Variants in SLC8A1 observed in about 807,000 individuals in gnomAD.
SLC8A1 encodes the protein solute carrier family 8 member A1, also known as sodium/calcium exchanger 1.
SLC8A1 carries 18 observed loss-of-function variants against 68.3 expected under a neutral mutation model. That is an observed-to-expected ratio of 0.26 (90% CI 0.18 to 0.39). The LOEUF (loss-of-function observed/expected upper bound fraction) is 0.39, where lower values mean the gene tolerates loss of function less well. Ranked by LOEUF, SLC8A1 falls within the 10% of genes least tolerant of loss-of-function variation. The pLI, the probability that SLC8A1 is intolerant of heterozygous loss-of-function variation, is 1.00. For missense variants in SLC8A1, 985 were observed against 1,156.7 expected, an observed-to-expected ratio of 0.85 and a Z score of 2.15; for synonymous variants, 475 against 415.5, an observed-to-expected ratio of 1.14 and a Z score of -1.74.
chr2:40,380,162 C>A (rs1681274368), intron 2 of SLC8A1, among the ~76,000 whole-genome samples: 1 of 152,048 alleles, frequency 6.6e-6, no homozygotes, highest in African/African-American at 2.4e-5. Context: ...AAGAGGTAAA[C>A]CGAACAAGTA....
chr2:40,253,253 GTATACATA>G (rs988720463), intron 2 of SLC8A1, among the ~76,000 whole-genome samples: 3 of 148,228 alleles, frequency 2.0e-5, no homozygotes, highest in African/African-American at 7.5e-5. Flanking sequence ...ATACACATAT[GTATACATA>G]TATACATGTA....
At chr2:40,461,315 A>G (rs1703326750) in intron 1 of SLC8A1, among the ~76,000 whole-genome samples, 1 of 152,196 alleles carries the variant, frequency 6.6e-6, no homozygotes, top group African/African-American at 2.4e-5. Context: ...AAAAGCAGAC[A>G]GACCCTTCGT....
chr2:40,173,572 C>G (rs369430539), intron 4 of SLC8A1, among the ~76,000 whole-genome samples: 3 of 152,184 alleles, frequency 2.0e-5, no homozygotes, highest in African/African-American at 4.8e-5. Flanking sequence ...AATTCTACTT[C>G]GGACAGAATC....
At chr2:40,457,107 G>C (rs1024636906) in intron 1 of SLC8A1, among the ~76,000 whole-genome samples, 1 of 152,022 alleles carries the variant, frequency 6.6e-6, no homozygotes, top group Admixed American at 6.5e-5. Context: ...GTCATTTTAC[G>C]CAAATCCTGC....
chr2:40,297,918 C>T (rs893107896), intron 2 of SLC8A1, among the ~76,000 whole-genome samples: 1 of 152,094 alleles, frequency 6.6e-6, no homozygotes, highest in Non-Finnish European at 1.5e-5. Context: ...CTCACTGTGT[C>T]GCCCAGGCTG....
chr2:40,487,332 A>G (rs917603762), intron 1 of SLC8A1, among the ~76,000 whole-genome samples: 3 of 152,042 alleles, frequency 2.0e-5, no homozygotes, highest in Non-Finnish European at 4.4e-5. Context: ...TTGGTATCTA[A>G]TGTGCATTTT....
intron 2 of SLC8A1, among the ~76,000 whole-genome samples, chr2:40,423,386 C>T (rs188624384): frequency 6.6e-6 from 1 of 152,124 alleles, no homozygotes; most frequent in East Asian, 1.9e-4. Context: ...TCATTATCTC[C>T]CATTTTAGAG....
chr2:40,201,998 G>A (rs943807936), intron 2 of SLC8A1, among the ~76,000 whole-genome samples: 5 of 151,992 alleles, frequency 3.3e-5, no homozygotes, highest in African/African-American at 9.7e-5. Flanking sequence ...ATGTGTATAT[G>A]CATGCATGCT....
intron 2 of SLC8A1, among the ~76,000 whole-genome samples, chr2:40,271,378 C>G (rs971723345): frequency 1.3e-5 from 2 of 152,080 alleles, no homozygotes; most frequent in Non-Finnish European, 2.9e-5. Context: ...AGGGTTGACC[C>G]CGGATCTTTG....
chr2:40,448,970 T>C (rs1701937715), intron 1 of SLC8A1, among the ~76,000 whole-genome samples: 2 of 151,954 alleles, frequency 1.3e-5, no homozygotes, highest in Non-Finnish European at 2.9e-5. Context: ...ATGCAACATA[T>C]GTGCTCTAAC....
chr2:40,481,384 A>G (rs1704621130), intron 1 of SLC8A1, among the ~76,000 whole-genome samples: 3 of 152,234 alleles, frequency 2.0e-5, no homozygotes, highest in African/African-American at 2.4e-5. Context: ...CTGGCTTTAA[A>G]TTCCTGTCAC....
chr2:40,490,002 T>G (rs1298415068), intron 1 of SLC8A1, among the ~76,000 whole-genome samples: 2 of 152,096 alleles, frequency 1.3e-5, no homozygotes, highest in African/African-American at 4.8e-5. Context: ...TGTCACTAAA[T>G]CTGTGTTAAA....
chr2:40,317,344 CAT>C (rs2074598590), intron 2 of SLC8A1, among the ~76,000 whole-genome samples: 1 of 151,984 alleles, frequency 6.6e-6, no homozygotes, highest in Non-Finnish European at 1.5e-5. Flanking sequence ...TTTTATGAAT[CAT>C]ATTTTTCTGA....
At chr2:40,238,271 G>T (rs2060702586) in intron 2 of SLC8A1, among the ~76,000 whole-genome samples, 1 of 152,232 alleles carries the variant, frequency 6.6e-6, no homozygotes, top group South Asian at 2.1e-4. Context: ...CGTGGGCGTA[G>T]GACCCTCCCA....
chr2:40,291,047 T>C (rs1051825183), intron 2 of SLC8A1, among the ~76,000 whole-genome samples: 13 of 152,304 alleles, frequency 8.5e-5, no homozygotes, highest in Middle Eastern at 6.8e-3. Context: ...AACATCAGGA[T>C]TGGAATTTCT....
intron 2 of SLC8A1, among the ~76,000 whole-genome samples, chr2:40,405,764 T>C (rs1194750482): frequency 2.0e-5 from 3 of 152,194 alleles, no homozygotes; most frequent in Non-Finnish European, 4.4e-5. Flanking sequence ...TTTCCTTGGC[T>C]ATTCTTTCTT....
intron 1 of SLC8A1, among the ~76,000 whole-genome samples, chr2:40,439,559 T>G (rs1351768260): frequency 6.6e-6 from 1 of 152,188 alleles, no homozygotes; most frequent in African/African-American, 2.4e-5. Context: ...TGAATGACAG[T>G]CAATCCAGCA....
intron 2 of SLC8A1, among the ~76,000 whole-genome samples, chr2:40,297,160 T>A (rs2070548890): frequency 6.6e-6 from 1 of 152,162 alleles, no homozygotes. Flanking sequence ...AGAGCAGACA[T>A]TATATCCTAT....
upstream of SLC8A1, among the ~76,000 whole-genome samples, chr2:40,454,359 C>T (rs144374652): frequency 8.0e-3 from 1,211 of 152,028 alleles, 9 homozygotes; most frequent in South Asian, 0.019. Flanking sequence ...ATTGCTATGA[C>T]GGGCCGCTTA....
Sources: gnomAD v4.1 joint callset for allele counts (sites outside exome capture counted in the v4.1 genomes callset) on GRCh38, gnomAD v4.1.1 for gene constraint, MANE v1.5 for transcripts, NCBI Gene and HGNC (gene_info 2026-07-23, HGNC 2026-07-21) for gene names.